Variants in NOXA1 observed in about 807,000 individuals in gnomAD.
The protein encoded by NOXA1 is NADPH oxidase activator 1.
A neutral mutation model predicts 64.8 loss-of-function variants in NOXA1; 56 were observed. The observed-to-expected ratio is 0.86, with a 90% CI of 0.70 to 1.08. The LOEUF (loss-of-function observed/expected upper bound fraction) is 1.08, where lower values mean the gene tolerates loss of function less well. Ranked by LOEUF, NOXA1 falls within the 50% of genes least tolerant of loss-of-function variation. NOXA1 has a pLI of 0.00. For synonymous variants in NOXA1, 295 were observed against 294.8 expected, an observed-to-expected ratio of 1.00 and a Z score of -0.01; for missense variants, 668 against 658.5, an observed-to-expected ratio of 1.01 and a Z score of -0.16.
At chr9:137,426,148 C>A in intron 1 of NOXA1, 100 bp from the exon 2 acceptor site, 2 of 1,095,420 alleles carry the variant, frequency 1.8e-6, no homozygotes, top group South Asian at 1.3e-5. Context: ...TCCCCAGGGG[C>A]TGACGGAATT....
rs750637508 is a variant in NOXA1 at position 137,426,283 on chromosome 9, G to A, written c.213G>A (p.Met71Ile). 1.5e-5 allele frequency: 24 copies of A among 1,613,706 alleles called. No individual in the cohort carries two copies. The highest frequency in any genetic ancestry group is 2.7e-5 in the African/African-American group (2 of 74,942). The stretch of plus-strand genomic sequence containing the variant: ...AAGCCGTGACCAAGGACACCTGCAT[G>A]GCGGTTGGCTTCTTCCAGCGAGGAG... ...FDQAVTKDTC[M>I]AVGFFQRGVA... The change falls in exon 2 of 14, where the codon ATG becomes ATA. Residue 71 changes from methionine to isoleucine, a missense_variant. By Grantham distance (10) the Met-to-Ile change is conservative. Coordinates refer to ENST00000683555, the MANE Select transcript of NOXA1 (RefSeq NM_001256067.2).
At position 137,430,766 on chromosome 9, in the gene NOXA1, C is replaced by T. The variant is rs775310255; in HGVS notation, c.613-18C>T. 67 of 1,587,970 alleles carry T rather than the reference C, an allele frequency of 4.2e-5. No homozygotes were observed. Among genetic ancestry groups the T allele is most frequent in the Non-Finnish European group, 5.0e-5 (59 of 1,173,226 alleles). On this transcript the variant is annotated intron_variant, in intron 5 of 13. Transcript: ENST00000683555. ...GGGCCGCTGATCCCTGACCCAGCGT[C>T]CCCACTGTCCCCGCCAGGTGGTGGC...
chr9:137,423,871 C>T (rs1838695339), intron 1 of NOXA1, among the ~76,000 whole-genome samples, 165 bp downstream of exon 1: 1 of 152,210 alleles, frequency 6.6e-6, no homozygotes, highest in Admixed American at 6.5e-5. Flanking sequence ...CTGAGCTAAG[C>T]GAGGCCGCGC....
intron 3 of NOXA1, 106 bp downstream of exon 3, chr9:137,428,247 T>C: frequency 1.3e-6 from 1 of 785,266 alleles, no homozygotes; most frequent in Non-Finnish European, 2.1e-6. Context: ...TGGCCGAAGC[T>C]CTTGGTGCCA....
intron 1 of NOXA1, among the ~76,000 whole-genome samples, chr9:137,425,141 G>A (rs2131870744): frequency 6.6e-6 from 1 of 152,280 alleles, no homozygotes; most frequent in South Asian, 2.1e-4. Context: ...ACACCTGTGT[G>A]AACTTGGTTC....
rs369411282 is a variant in NOXA1 at position 137,426,287 on chromosome 9, G to T, written c.217G>T (p.Val73Phe). The change falls in exon 2 of 14, where the codon GTT (valine) becomes TTT (phenylalanine). Residue 73 changes from valine to phenylalanine, a missense_variant. Val to Phe is a conservative substitution (Grantham distance 50). Transcript: ENST00000683555. ...CGTGACCAAGGACACCTGCATGGCG[G>T]TTGGCTTCTTCCAGCGAGGAGTGGC... ...QAVTKDTCMAVGFFQRGVANF... is the reference protein window; with the variant it reads ...QAVTKDTCMAFGFFQRGVANF... The T allele has an allele frequency of 6.2e-7, 1 of 1,613,738 alleles. No homozygotes were observed. The highest frequency in any genetic ancestry group is 1.1e-5 in the South Asian group (1 of 91,094).
Position 137,430,857 on chromosome 9 carries a change from C to T in NOXA1, c.672+14C>T, listed in dbSNP as rs1480519157. On this transcript the variant is annotated intron_variant, in intron 6 of 13. Coordinates refer to ENST00000683555, the MANE Select transcript of NOXA1 (RefSeq NM_001256067.2). ...CAGCAGCCACAGGTGGGTTTGCGGCCCCTCAGACCCCTGCCTGGCCTCACC... is the reference window on the plus strand; with the variant it reads ...CAGCAGCCACAGGTGGGTTTGCGGCTCCTCAGACCCCTGCCTGGCCTCACC... The T allele has an allele frequency of 3.2e-6, 5 of 1,570,992 alleles. No individual in the cohort carries two copies. Among genetic ancestry groups the T allele is most frequent in the Middle Eastern group, 1.7e-4 (1 of 5,924 alleles).
chr9:137,429,312 G>C lies in NOXA1; in HGVS notation c.541G>C (p.Gly181Arg), dbSNP rs1838985798. The C allele has an allele frequency of 6.3e-7, 1 of 1,577,344 alleles. No homozygotes were observed. The highest frequency in any genetic ancestry group is 8.6e-7 in the Non-Finnish European group (1 of 1,162,846). The change falls in exon 5 of 14, where the codon GGC becomes CGC. Residue 181 changes from glycine to arginine, a missense_variant. Transcript: ENST00000683555. ...ACTGCCGCCACGGCAGGTCCCCAGG[G>C]GCGAGGTCTTCCGGCCCCACCGGTG... The part of the protein sequence containing the change: ...GSLPPRQVPR[G>R]EVFRPHRWHL...
chr9:137,432,928 C>A, intron 8 of NOXA1, 101 bp from the exon 9 acceptor site: 3 of 1,317,830 alleles, frequency 2.3e-6, no homozygotes, highest in Non-Finnish European at 3.2e-6. Flanking sequence ...TGGGTGCTGG[C>A]CGGGCACACA....
At position 137,429,010 on chromosome 9, in the gene NOXA1, A is replaced by G; in HGVS notation, c.498A>G (p.Gln166=). The part of the protein sequence containing the change: ...SLNGLDSALD[Q]VQRRGSLPPR... ...ATGGCCTGGACTCAGCCCTGGACCA[A>G]GTGCAGGTGAGGAGTGCCAGCCCGG... The change falls in exon 4 of 14, where the codon CAA becomes CAG. Residue 166 remains glutamine (Q), a synonymous_variant. Transcript: ENST00000683555. 1 of 1,563,250 alleles carries G rather than the reference A, an allele frequency of 6.4e-7. No homozygotes were observed. Among genetic ancestry groups the G allele is most frequent in the Non-Finnish European group, 8.7e-7 (1 of 1,152,164 alleles).
intron 2 of NOXA1, among the ~76,000 whole-genome samples, chr9:137,427,451 T>C (rs918909007): frequency 2.0e-5 from 3 of 152,232 alleles, no homozygotes; most frequent in African/African-American, 4.8e-5. Flanking sequence ...TCTGGAGATA[T>C]TTTACCTTTC....
chr9:137,430,678 C>T (rs1839071482), intron 5 of NOXA1, 106 bp from the exon 6 acceptor site: 5 of 957,172 alleles, frequency 5.2e-6, no homozygotes, highest in Non-Finnish European at 7.4e-6. Context: ...AGCTGTCACC[C>T]AGCCCCCGGG....
chr9:137,423,799 G>A, intron 1 of NOXA1, 93 bp downstream of exon 1: 3 of 1,048,750 alleles, frequency 2.9e-6, no homozygotes, highest in Non-Finnish European at 3.6e-6. Flanking sequence ...TCACGGGGTC[G>A]CCCTGCCGCC....
At chr9:137,430,597 T>A (rs1839068525) in intron 5 of NOXA1, among the ~76,000 whole-genome samples, 187 bp from the exon 6 acceptor site, 1 of 152,238 alleles carries the variant, frequency 6.6e-6, no homozygotes, top group Non-Finnish European at 1.5e-5. Flanking sequence ...AAGTTAACAT[T>A]GCAGCAGATG....
In NOXA1 at chr9:137,433,206, G is replaced by A. The variant is rs1223972080; in HGVS notation, c.852G>A (p.Gly284=). 1.2e-6 allele frequency: 2 copies of A among 1,607,962 alleles called. No homozygotes were observed. Among genetic ancestry groups the A allele is most frequent in the Non-Finnish European group, 1.7e-6 (2 of 1,177,960 alleles). The change falls in exon 10 of 14, where the codon GGG becomes GGA. Residue 284 remains glycine, a splice_region_variant and synonymous_variant. Transcript: ENST00000683555. The part of the protein sequence containing the change: ...QVGKQAPLSP[G]LPAMGGPGPG... ...TGTCAGTCTTGCTCTGTCCTACAGGGCTGCCGGCAATGGGGGGGCCTGGCC... is the reference window on the plus strand; with the variant it reads ...TGTCAGTCTTGCTCTGTCCTACAGGACTGCCGGCAATGGGGGGGCCTGGCC...
At chr9:137,433,684 G>A in intron 11 of NOXA1, 66 bp from the exon 12 acceptor site, 2 of 1,505,928 alleles carry the variant, frequency 1.3e-6, no homozygotes, top group East Asian at 2.5e-5. Flanking sequence ...AAGAGGGGGT[G>A]GCAGAGGTCA....
At chr9:137,434,137 TAG>T in intron 13 of NOXA1, 58 bp downstream of exon 13, 1 of 1,581,002 alleles carries the variant, frequency 6.3e-7, no homozygotes, top group Non-Finnish European at 8.6e-7. Flanking sequence ...GTGGGGGGCT[TAG>T]AGCTCGGCCT....
At chr9:137,428,856 T>G in intron 3 of NOXA1, 26 bp from the exon 4 acceptor site, 1 of 1,553,078 alleles carries the variant, frequency 6.4e-7, no homozygotes, top group South Asian at 1.2e-5. Context: ...ATCAGGCCCC[T>G]GCCATCACCT....
chr9:137,428,060 G>A lies in NOXA1; in HGVS notation c.288G>A (p.Trp96Ter). The change falls in exon 3 of 14, where the codon TGG (tryptophan) becomes TGA (stop). Residue 96 changes from tryptophan (W) to a stop codon, truncating the protein, a stop_gained. Coordinates refer to ENST00000683555, the MANE Select transcript of NOXA1 (RefSeq NM_001256067.2). LOFTEE classifies it high-confidence loss of function. Reference protein sequence around the residue: ...ARFQEALSDFWLALEQLRGHA... With the variant: ...ARFQEALSDF ...TCCAGGAGGCTCTGTCTGACTTCTG[G>A]CTGGCCCTGGAGCAGCTGAGGGGCC... 1 of 1,583,286 alleles carries A rather than the reference G, an allele frequency of 6.3e-7. No homozygotes were observed. The highest frequency in any genetic ancestry group is 8.6e-7 in the Non-Finnish European group (1 of 1,166,044).
Sources: gnomAD v4.1 joint callset for allele counts (sites outside exome capture counted in the v4.1 genomes callset) on GRCh38, gnomAD v4.1.1 for gene constraint, MANE v1.5 for transcripts, NCBI Gene and HGNC (gene_info 2026-07-23, HGNC 2026-07-21) for gene names.